The following EYS variants were observed in gnomAD, a reference collection of about 807,000 sequenced individuals.
EYS encodes the protein protein eyes shut homolog.
Under a neutral mutation model 282.1 loss-of-function variants are expected in EYS, and 250 were observed. The observed-to-expected ratio is 0.89, with a 90% confidence interval of 0.80 to 0.98. The LOEUF (loss-of-function observed/expected upper bound fraction) is 0.98, where lower values mean the gene tolerates loss of function less well. EYS is among the 50% of genes least tolerant of loss of function. The pLI is 0.00. For synonymous variants in EYS, 1,355 were observed against 1,282.9 expected (o/e 1.06, Z -1.20); for missense variants, 4,016 against 3,709.0 (o/e 1.08, Z -2.15).
chr6:64,081,811 G>T, intron 32 of EYS, 45 bp downstream of exon 32: 1 of 1,372,096 alleles, frequency 7.3e-7, no homozygotes, highest in Non-Finnish European at 9.8e-7. Flanking sequence ...ATCAACGTTT[G>T]AGAAAGAAAC....
At chr6:63,864,486 CT>C in intron 35 of EYS, 128 bp from the exon 36 acceptor site, 1 of 500,944 alleles carries the variant, frequency 2.0e-6, no homozygotes. Flanking sequence ...TAATAAGTGA[CT>C]TTTTTCTCCC....
chr6:65,685,296 T>C (rs1768977801), intron 1 of EYS, among the ~76,000 whole-genome samples: 2 of 152,012 alleles, frequency 1.3e-5, no homozygotes. Context: ...CTCTAATTCC[T>C]TTGCTCACTT....
At chr6:63,945,007 A>G (rs1582008715) in intron 35 of EYS, among the ~76,000 whole-genome samples, 1 of 152,190 alleles carries the variant, frequency 6.6e-6, no homozygotes, top group African/African-American at 2.4e-5. Flanking sequence ...GTAAAAAAAA[A>G]TATTGTCAAT....
chr6:64,569,350 CA>C (rs943087563), intron 26 of EYS, among the ~76,000 whole-genome samples: 1 of 151,776 alleles, frequency 6.6e-6, no homozygotes. Context: ...GAAGCATACA[CA>C]AGTACCAATA....
chr6:65,663,253 G>A (rs1035219015), intron 1 of EYS, among the ~76,000 whole-genome samples: 1 of 152,110 alleles, frequency 6.6e-6, no homozygotes, highest in African/African-American at 2.4e-5. Context: ...TAGAGAACAG[G>A]AAGAGAGTTC....
intron 8 of EYS, among the ~76,000 whole-genome samples, chr6:65,369,733 T>C (rs1765065129): frequency 1.3e-5 from 2 of 151,698 alleles, no homozygotes; most frequent in South Asian, 4.1e-4. Flanking sequence ...GCAGCAAACT[T>C]GGCTTCTATA....
intron 31 of EYS, among the ~76,000 whole-genome samples, chr6:64,138,917 G>A (rs1272891215): frequency 6.6e-6 from 1 of 152,134 alleles, no homozygotes. Context: ...CTAAGCATGG[G>A]AGAGTTATTT....
At chr6:65,195,372 T>C (rs12205180) in intron 12 of EYS, among the ~76,000 whole-genome samples, 6,388 of 152,166 alleles carry the variant, frequency 0.042, 190 homozygotes, top group Middle Eastern at 0.065. Context: ...GGATTTTTCA[T>C]TCTTAATGCT....
chr6:64,022,437 A>G (rs1235436635), intron 33 of EYS, among the ~76,000 whole-genome samples: 2 of 152,192 alleles, frequency 1.3e-5, no homozygotes, highest in African/African-American at 2.4e-5. Context: ...TTTCACAATT[A>G]TTGTGTACAA....
chr6:64,448,148 A>T (rs186223302), intron 26 of EYS, among the ~76,000 whole-genome samples: 1 of 152,130 alleles, frequency 6.6e-6, no homozygotes, highest in Admixed American at 6.5e-5. Context: ...AAATCGGGTA[A>T]CTCCCACCCT....
chr6:64,193,821 G>C (rs1297994057), intron 31 of EYS, among the ~76,000 whole-genome samples: 4 of 152,180 alleles, frequency 2.6e-5, no homozygotes, highest in Admixed American at 2.0e-4. Flanking sequence ...CCCTACAAAG[G>C]ACATGAACTC....
chr6:64,106,605 T>A (rs932525344), intron 31 of EYS, among the ~76,000 whole-genome samples: 14 of 151,306 alleles, frequency 9.3e-5, no homozygotes, highest in Non-Finnish European at 1.9e-4. Flanking sequence ...TTGAATATAA[T>A]GTGACTTCAT....
In EYS at chr6:64,886,820, C is replaced by T; in HGVS notation, c.2869G>A (p.Glu957Lys). Reference protein sequence around the residue: ...TNRFFCNCEPEYHGPFCELDV... With the variant: ...TNRFFCNCEPKYHGPFCELDV... Reference sequence around the variant, plus strand: ...AGTTCACAGAAGGGCCCATGGTACTCAGGTTCACAATTACAAAAAAATCTG... The same window carrying T: ...AGTTCACAGAAGGGCCCATGGTACTTAGGTTCACAATTACAAAAAAATCTG... The change falls in exon 19 of 43, where the codon GAG becomes AAG. Residue 957 changes from glutamate to lysine, a missense_variant. Glu to Lys is a moderately conservative substitution (Grantham distance 56). Coordinates refer to ENST00000503581, the MANE Select transcript of EYS (RefSeq NM_001142800.2). 2 of 1,536,422 alleles carry T rather than the reference C, an allele frequency of 1.3e-6. No homozygotes were observed. Among genetic ancestry groups the T allele is most frequent in the East Asian group, 2.5e-5 (1 of 40,180 alleles).
In EYS at chr6:64,196,163, T is replaced by C. The variant is rs531022832; in HGVS notation, c.6424+34429A>G. 5.0e-4 allele frequency among the ~76,000 whole-genome samples: 76 copies of C among 152,266 alleles called. No individual in the cohort carries two copies. The East Asian group carries it at 0.013, about 27-fold the overall frequency. On this transcript the variant is annotated intron_variant, in intron 31 of 42. Coordinates refer to ENST00000503581, the MANE Select transcript of EYS (RefSeq NM_001142800.2). ...AAAAAATGCTCATCATCACTGGCCATCAGAGAAATGCAAATCAAAACCACA... is the reference window on the plus strand; with the variant it reads ...AAAAAATGCTCATCATCACTGGCCACCAGAGAAATGCAAATCAAAACCACA...
intron 22 of EYS, among the ~76,000 whole-genome samples, chr6:64,667,684 C>CAT (rs1407696553): frequency 6.6e-6 from 1 of 151,864 alleles, no homozygotes; most frequent in Admixed American, 6.6e-5. Flanking sequence ...ATCCAGCACC[C>CAT]ATAAAACATT....
chr6:65,314,105 G>A (rs1769233523), intron 11 of EYS, among the ~76,000 whole-genome samples: 1 of 145,566 alleles, frequency 6.9e-6, no homozygotes, highest in African/African-American at 2.5e-5. Flanking sequence ...TCCTTCAGGT[G>A]TGTCTATCTG....
intron 5 of EYS, among the ~76,000 whole-genome samples, chr6:65,475,557 T>C (rs1449136554): frequency 6.6e-6 from 1 of 152,112 alleles, no homozygotes; most frequent in Non-Finnish European, 1.5e-5. Context: ...GATCATTACT[T>C]TTCTATGAAA....
chr6:64,517,138 A>T (rs1777583958), intron 26 of EYS, among the ~76,000 whole-genome samples: 1 of 151,792 alleles, frequency 6.6e-6, no homozygotes, highest in African/African-American at 2.4e-5. Context: ...TCCTGGTCTA[A>T]GTAATATAGT....
intron 2 of EYS, among the ~76,000 whole-genome samples, chr6:65,546,310 T>C (rs1206320273): frequency 8.7e-6 from 1 of 114,832 alleles, no homozygotes; most frequent in Non-Finnish European, 1.7e-5. Flanking sequence ...TCTCCCAAAG[T>C]TCAGCCTATA....
Sources: allele counts gnomAD v4.1 joint callset (sites outside exome capture counted in the v4.1 genomes callset), GRCh38; gene constraint gnomAD v4.1.1; transcripts MANE v1.5; gene names NCBI Gene and HGNC (gene_info 2026-07-23, HGNC 2026-07-21).